The following DLG1 variants were observed in gnomAD, a reference collection of about 807,000 sequenced individuals.
DLG1 encodes the protein discs large MAGUK scaffold protein 1, also known as disks large homolog 1.
DLG1 carries 42 observed loss-of-function variants against 123.4 expected under a neutral mutation model. That is an observed-to-expected ratio of 0.34 (90% CI 0.27 to 0.44). DLG1 has a LOEUF of 0.44. Ranked by LOEUF, DLG1 falls within the 20% of genes least tolerant of loss-of-function variation. DLG1 has a pLI of 1.00. For missense variants in DLG1, 942 were observed against 1,082.6 expected (o/e 0.87, Z 1.82); for synonymous variants, 317 against 356.2 (o/e 0.89, Z 1.24).
intron 4 of DLG1, among the ~76,000 whole-genome samples, chr3:197,274,808 C>T (rs909837535): frequency 6.6e-6 from 1 of 152,166 alleles, no homozygotes; most frequent in African/African-American, 2.4e-5. Context: ...TCAGATTAGA[C>T]ATTTCTCAGA....
intron 3 of DLG1, among the ~76,000 whole-genome samples, chr3:197,283,321 C>G (rs1770269822): frequency 6.6e-6 from 1 of 152,024 alleles, no homozygotes; most frequent in Admixed American, 6.6e-5. Context: ...ATGTAAATCC[C>G]TCAAGTGGTT....
At chr3:197,051,783 G>A (rs1467078899) in intron 23 of DLG1, 115 bp from the exon 24 acceptor site, 1 of 594,952 alleles carries the variant, frequency 1.7e-6, no homozygotes, top group African/African-American at 2.0e-5. Context: ...GAACTCTGCT[G>A]AAAATATGAA....
chr3:197,153,879 AG>A (rs1299304624), intron 5 of DLG1, among the ~76,000 whole-genome samples: 7 of 152,204 alleles, frequency 4.6e-5, no homozygotes, highest in Admixed American at 1.3e-4. Flanking sequence ...CAACAAAAAA[AG>A]AAAACCCTGG....
chr3:197,181,919 A>T (rs1001219355), intron 5 of DLG1, among the ~76,000 whole-genome samples: 2 of 152,182 alleles, frequency 1.3e-5, no homozygotes, highest in Non-Finnish European at 2.9e-5. Flanking sequence ...GACTGCGAAC[A>T]GGGGTCATGA....
At chr3:197,273,904 A>C (rs1765148657) in intron 4 of DLG1, among the ~76,000 whole-genome samples, 1 of 151,928 alleles carries the variant, frequency 6.6e-6, no homozygotes, top group South Asian at 2.1e-4. Context: ...CAAAGTAGTA[A>C]AAGATCTCAA....
At chr3:197,118,363 C>G (rs1281317673) in intron 12 of DLG1, among the ~76,000 whole-genome samples, 1 of 152,104 alleles carries the variant, frequency 6.6e-6, no homozygotes, top group Non-Finnish European at 1.5e-5. Flanking sequence ...CTTGGATATT[C>G]CCATCACAAA....
In DLG1 at chr3:197,297,214, G is replaced by A. The variant is rs754345432; in HGVS notation, c.-10C>T. ...GCTTCCGGACCGGCATTTTTCTCCAGAATCAGGAAGAGGGCACACACCTTT... is the reference window on the plus strand; with the variant it reads ...GCTTCCGGACCGGCATTTTTCTCCAAAATCAGGAAGAGGGCACACACCTTT... On this transcript the variant is annotated 5_prime_UTR_variant, in exon 2 of 25. Coordinates refer to ENST00000667157, the MANE Select transcript of DLG1 (RefSeq NM_001366207.1). 1.2e-6 allele frequency: 2 copies of A among 1,614,040 alleles called. No individual in the cohort carries two copies. The highest frequency in any genetic ancestry group is 1.7e-5 in the Admixed American group (1 of 60,016).
chr3:197,267,191 TTAAAA>T lies in DLG1; in HGVS notation c.318+15483_318+15487del, dbSNP rs558292124. ...AATATTCACTACAGTTTCTCCATGA[TTAAAA>T]TATTTTTTTAAAAAATAACACAAAA... On this transcript the variant is annotated intron_variant, in intron 4 of 24. Coordinates refer to ENST00000667157, the MANE Select transcript of DLG1 (RefSeq NM_001366207.1). Among the ~76,000 whole-genome samples the T allele has an allele frequency of 1.8e-3, 267 of 152,326 alleles. 2 individuals are homozygous for T. Among genetic ancestry groups the T allele is most frequent in the African/African-American group, 6.0e-3 (249 of 41,572 alleles).
At chr3:197,257,676 T>C (rs1757461231) in intron 4 of DLG1, among the ~76,000 whole-genome samples, 1 of 152,194 alleles carries the variant, frequency 6.6e-6, no homozygotes, top group African/African-American at 2.4e-5. Context: ...CAAGAAATTC[T>C]GGTACTAAAG....
At chr3:197,230,084 G>C (rs1742116849) in intron 4 of DLG1, among the ~76,000 whole-genome samples, 1 of 152,146 alleles carries the variant, frequency 6.6e-6, no homozygotes, top group Admixed American at 6.5e-5. Context: ...CTACCTGCTA[G>C]AATGACAATT....
chr3:197,096,872 T>C (rs1760919667), intron 14 of DLG1, among the ~76,000 whole-genome samples: 1 of 152,224 alleles, frequency 6.6e-6, no homozygotes, highest in South Asian at 2.1e-4. Context: ...TCAAATAGGT[T>C]TCCATGGATT....
chr3:197,081,458 TGAA>T (rs1239824073), intron 16 of DLG1, among the ~76,000 whole-genome samples: 1 of 152,212 alleles, frequency 6.6e-6, no homozygotes, highest in Non-Finnish European at 1.5e-5. Context: ...TAGCTTAGCA[TGAA>T]GCACATATGC....
chr3:197,183,948 T>C, intron 5 of DLG1: 1 of 1,430,924 alleles, frequency 7.0e-7, no homozygotes, highest in Non-Finnish European at 9.1e-7. Context: ...TGAGAAATGA[T>C]GCTCATTTTC....
chr3:197,229,034 G>A (rs911968222), intron 4 of DLG1, among the ~76,000 whole-genome samples: 1 of 152,186 alleles, frequency 6.6e-6, no homozygotes. Flanking sequence ...GGGACACCTG[G>A]CAATGTCTGC....
intron 4 of DLG1, among the ~76,000 whole-genome samples, chr3:197,248,173 G>A (rs894354774): frequency 9.2e-5 from 14 of 152,032 alleles, no homozygotes; most frequent in Non-Finnish European, 2.1e-4. Context: ...TTCTTACCTT[G>A]GTATGTTCTG....
chr3:197,103,531 C>T (rs945819694), intron 14 of DLG1, among the ~76,000 whole-genome samples: 2 of 151,738 alleles, frequency 1.3e-5, no homozygotes, highest in Admixed American at 6.6e-5. Flanking sequence ...CAAAAATTAA[C>T]GAATTGACAT....
At chr3:197,142,938 A>T in intron 6 of DLG1, 170 bp from the exon 7 acceptor site, 1 of 594,624 alleles carries the variant, frequency 1.7e-6, no homozygotes, top group Non-Finnish European at 3.0e-6. Context: ...ATGGAAAAAT[A>T]CAAATGTGAT....
intron 24 of DLG1, among the ~76,000 whole-genome samples, chr3:197,047,881 C>T (rs1724478356): frequency 6.6e-6 from 1 of 151,942 alleles, no homozygotes; most frequent in African/African-American, 2.4e-5. Context: ...TTGGAAAGCA[C>T]AGGCAGCAAA....
intron 5 of DLG1, among the ~76,000 whole-genome samples, chr3:197,190,486 T>C (rs1217794241): frequency 6.6e-6 from 1 of 152,210 alleles, no homozygotes; most frequent in Non-Finnish European, 1.5e-5. Context: ...GAAATCTGCA[T>C]TTGTTTCATC....
Sources: allele counts gnomAD v4.1 joint callset (sites outside exome capture counted in the v4.1 genomes callset), GRCh38; gene constraint gnomAD v4.1.1; transcripts MANE v1.5; gene names NCBI Gene and HGNC (gene_info 2026-07-23, HGNC 2026-07-21).